VPS13A: variants seen among roughly 807,000 people sequenced by gnomAD.
The protein encoded by VPS13A is vacuolar protein sorting 13 homolog A.
Under a neutral mutation model 390.9 loss-of-function variants are expected in VPS13A, and 264 were observed. The ratio of observed to expected loss-of-function variants is 0.68; its 90% CI spans 0.61 to 0.75. VPS13A has a LOEUF of 0.75. Among genes scored for constraint, VPS13A ranks in the 30% least tolerant of loss-of-function variants. The pLI, the probability that VPS13A is intolerant of heterozygous loss-of-function variation, is 0.00. For synonymous variants in VPS13A, 1,231 were observed against 1,227.1 expected (o/e 1.00, Z -0.07); for missense variants, 3,409 against 3,733.9 (o/e 0.91, Z 2.27).
At chr9:77,351,253 G>GT (rs910079488) in intron 52 of VPS13A, 64 bp from the exon 53 acceptor site, 664 of 1,567,354 alleles carry the variant, frequency 4.2e-4, no homozygotes, top group East Asian at 1.1e-3. Flanking sequence ...TATTATTTTA[G>GT]TTTTTTTTTA....
chr9:77,244,032 G>GT (rs945451382), intron 19 of VPS13A, among the ~76,000 whole-genome samples: 1 of 152,126 alleles, frequency 6.6e-6, no homozygotes, highest in Admixed American at 6.5e-5. Context: ...GAGGTCAGGA[G>GT]TTGGAGACCA....
intron 1 of VPS13A, among the ~76,000 whole-genome samples, chr9:77,179,199 C>T (rs1823849417): frequency 6.6e-6 from 1 of 152,168 alleles, no homozygotes; most frequent in Admixed American, 6.5e-5. Context: ...GGAGGTTTGT[C>T]TAGAGTGTGA....
chr9:77,220,274 T>C lies in VPS13A; in HGVS notation c.883-3T>C. On this transcript the variant is annotated splice_region_variant and splice_polypyrimidine_tract_variant and intron_variant, in intron 11 of 71. Coordinates refer to ENST00000360280, the MANE Select transcript of VPS13A (RefSeq NM_033305.3). Reference sequence around the variant, plus strand: ...TTAAGAGCTTTAATTTTCCATTCTTTAGTATTTCAGTATTATGGAGCTTCT... The same window carrying C: ...TTAAGAGCTTTAATTTTCCATTCTTCAGTATTTCAGTATTATGGAGCTTCT... The C allele has an allele frequency of 1.9e-6, 3 of 1,607,846 alleles. No homozygotes were observed. The highest frequency in any genetic ancestry group is 1.7e-6 in the Non-Finnish European group (2 of 1,176,106).
rs1290827825 is a variant in VPS13A at position 77,199,980 on chromosome 9, A to G, written c.136A>G (p.Asn46Asp). 8 of 1,608,978 alleles carry G rather than the reference A, an allele frequency of 5.0e-6. No homozygotes were observed. Among genetic ancestry groups the G allele is most frequent in the Non-Finnish European group, 5.9e-6 (7 of 1,177,512 alleles). Reference sequence around the variant, plus strand: ...CCTCAAGAATCTTCAAATTAAAGAAAATGCCCTGGTAGGTTTTGACTATGA... The same window carrying G: ...CCTCAAGAATCTTCAAATTAAAGAAGATGCCCTGGTAGGTTTTGACTATGA... ...VALKNLQIKE[N>D]ALSQLDVPFK... The change falls in exon 2 of 72, where the codon AAT becomes GAT. Residue 46 changes from asparagine to aspartate, a missense_variant. By Grantham distance (23) the Asn-to-Asp change is conservative. Around this residue, in one of 5 missense-constraint regions of VPS13A, gnomAD observed 2,717 missense variants for 2,917.4 expected, o/e 0.93. Coordinates refer to ENST00000360280, the MANE Select transcript of VPS13A (RefSeq NM_033305.3).
chr9:77,302,868 C>T (rs768876862), intron 33 of VPS13A, 47 bp from the exon 34 acceptor site: 11 of 1,561,858 alleles, frequency 7.0e-6, no homozygotes, highest in Non-Finnish European at 9.7e-6. Flanking sequence ...TTTTAACTAC[C>T]TGAATGTATA....
chr9:77,359,495 G>T, intron 58 of VPS13A, 93 bp downstream of exon 58: 4 of 1,114,244 alleles, frequency 3.6e-6, no homozygotes, highest in Non-Finnish European at 1.3e-6. Context: ...ACAAGTCAAA[G>T]ATTTAAGCAT....
At position 77,281,760 on chromosome 9, in the gene VPS13A, T is replaced by C. The variant is rs531456561; in HGVS notation, c.2905-107T>C. 192 of 648,676 alleles carry C rather than the reference T, an allele frequency of 3.0e-4. No individual in the cohort carries two copies. The South Asian group carries it at 3.2e-3, about 11-fold the overall frequency. The allele number at this position is 648,676 out of a possible 1,614,324, so 40.2% of individuals were successfully genotyped here. On this transcript the variant is annotated intron_variant, in intron 27 of 71. Coordinates refer to ENST00000360280, the MANE Select transcript of VPS13A (RefSeq NM_033305.3). ...ATGTGTATATATATATATATATATGTATATGAACAGCTGGAAAATTATATA... is the reference window on the plus strand; with the variant it reads ...ATGTGTATATATATATATATATATGCATATGAACAGCTGGAAAATTATATA...
At position 77,303,105 on chromosome 9, in the gene VPS13A, G is replaced by A. The variant is rs749479008; in HGVS notation, c.3960+43G>A. On this transcript the variant is annotated intron_variant, in intron 34 of 71. Coordinates refer to ENST00000360280, the MANE Select transcript of VPS13A (RefSeq NM_033305.3). Reference sequence around the variant, plus strand: ...CTTATCAATTTTTGTTTTGCTTGTTGAAAAATACTGCTTGGGGACATAAGG... The same window carrying A: ...CTTATCAATTTTTGTTTTGCTTGTTAAAAAATACTGCTTGGGGACATAAGG... The A allele has an allele frequency of 1.8e-5, 29 of 1,606,502 alleles. No individual in the cohort carries two copies. In the South Asian group the frequency reaches 3.0e-4, roughly 16 times the overall value.
intron 21 of VPS13A, among the ~76,000 whole-genome samples, chr9:77,250,701 C>T (rs1459157766): frequency 6.6e-6 from 1 of 152,208 alleles, no homozygotes; most frequent in East Asian, 1.9e-4. Context: ...CTCTGACAGT[C>T]ATGGACAGCC....
chr9:77,301,613 A>G (rs1828357731), intron 33 of VPS13A, among the ~76,000 whole-genome samples: 2 of 152,170 alleles, frequency 1.3e-5, no homozygotes, highest in Non-Finnish European at 1.5e-5. Flanking sequence ...ATTAAAATAT[A>G]AGTACATTAT....
Position 77,238,197 on chromosome 9 carries a change from C to T in VPS13A, c.1785+6C>T, listed in dbSNP as rs939969916. The T allele has an allele frequency of 6.2e-7, 1 of 1,611,766 alleles. No individual in the cohort carries two copies. The highest frequency in any genetic ancestry group is 8.5e-7 in the Non-Finnish European group (1 of 1,178,194). ...TAGAAATCATATATGATGCAGTAAGCATTTTTTTAAATTACTAAGTTTTAA... is the reference window on the plus strand; with the variant it reads ...TAGAAATCATATATGATGCAGTAAGTATTTTTTTAAATTACTAAGTTTTAA... On this transcript the variant is annotated splice_donor_region_variant and intron_variant, in intron 18 of 71. Coordinates refer to ENST00000360280, the MANE Select transcript of VPS13A (RefSeq NM_033305.3).
At chr9:77,265,633 CAGT>C (rs1464509401) in intron 23 of VPS13A, among the ~76,000 whole-genome samples, 1 of 152,154 alleles carries the variant, frequency 6.6e-6, no homozygotes, top group African/African-American at 2.4e-5. Context: ...TCTGTGGAAT[CAGT>C]GGTGATATCC....
intron 24 of VPS13A, among the ~76,000 whole-genome samples, chr9:77,274,333 C>T (rs974936428): frequency 2.0e-5 from 3 of 149,498 alleles, no homozygotes; most frequent in African/African-American, 7.4e-5. Context: ...GAAGCTGAGG[C>T]AGGAGAATCG....
In VPS13A at chr9:77,315,442, T is replaced by C. The variant is rs752134753; in HGVS notation, c.4602T>C (p.Ser1534=). 51 of 1,613,780 alleles carry C rather than the reference T, an allele frequency of 3.2e-5. 1 individual carries two copies. Among genetic ancestry groups the C allele is most frequent in the Middle Eastern group, 3.3e-4 (2 of 6,084 alleles). ...CCACAGGCACTGCTGTAGAAACCAG[T>C]GTGCAAACATGGACTGCTAAGGAAG... ...AYTTGTAVET[S]VQTWTAKEEV... The change falls in exon 38 of 72, where the codon AGT becomes AGC. Residue 1534 remains serine (S), a synonymous_variant. Coordinates refer to ENST00000360280, the MANE Select transcript of VPS13A (RefSeq NM_033305.3).
chr9:77,226,619 A>G (rs1823532611), intron 15 of VPS13A, 21 bp downstream of exon 15: 3 of 1,607,832 alleles, frequency 1.9e-6, no homozygotes, highest in Non-Finnish European at 2.6e-6. Flanking sequence ...TTCATTTTAC[A>G]GCATAGTTAA....
In VPS13A at chr9:77,365,704, C is replaced by T. The variant is rs957139057; in HGVS notation, c.8325+131C>T. The T allele has an allele frequency of 4.4e-5, 26 of 586,960 alleles. No homozygotes were observed. The South Asian group carries it at 5.5e-4, about 12-fold the overall frequency. 36.4% of individuals were successfully genotyped at this position (586,960 alleles called of 1,614,324 possible). ...ATTAAACTAAGTAACAAAGGAATTACCCTTTTACATTTTTATTTATTTTTA... is the reference window on the plus strand; with the variant it reads ...ATTAAACTAAGTAACAAAGGAATTATCCTTTTACATTTTTATTTATTTTTA... On this transcript the variant is annotated intron_variant, in intron 60 of 71. Coordinates refer to ENST00000360280, the MANE Select transcript of VPS13A (RefSeq NM_033305.3).
chr9:77,321,572 CT>C lies in VPS13A; in HGVS notation c.5658del (p.Thr1887LeufsTer23). 1 of 1,613,478 alleles carries C rather than the reference CT, an allele frequency of 6.2e-7. No homozygotes were observed. Among genetic ancestry groups the C allele is most frequent in the South Asian group, 1.1e-5 (1 of 91,058 alleles). ...ATTTATGATTTTAAATTCCCTTGGA[CT>C]TACTATTTCTGTTTCGCCAAGTGAT... The part of the protein sequence containing the change: ...APFMILNSLG[L>X]TISVSPSDSF... On this transcript the variant is annotated frameshift_variant, in exon 44 of 72. Transcript: ENST00000360280. LOFTEE classifies it high-confidence loss of function.
At chr9:77,182,884 T>C (rs539478760) in intron 1 of VPS13A, among the ~76,000 whole-genome samples, 4 of 152,310 alleles carry the variant, frequency 2.6e-5, no homozygotes, top group African/African-American at 9.6e-5. Context: ...ATCATGTGTT[T>C]AGTGGCCACT....
chr9:77,237,160 T>A (rs1259418072), intron 17 of VPS13A, among the ~76,000 whole-genome samples: 1 of 151,966 alleles, frequency 6.6e-6, no homozygotes, highest in African/African-American at 2.4e-5. Context: ...AGTGCTGGGA[T>A]TACAGGCGTG....
Sources: gnomAD v4.1 joint callset for allele counts (sites outside exome capture counted in the v4.1 genomes callset) on GRCh38, gnomAD v4.1.1 for gene constraint, gnomAD v4.1.1 regional missense constraint, MANE v1.5 for transcripts, NCBI Gene and HGNC (gene_info 2026-07-23, HGNC 2026-07-21) for gene names.